The following SLC6A17 variants were observed in gnomAD, a reference collection of about 807,000 sequenced individuals.
SLC6A17 encodes sodium-dependent neutral amino acid transporter SLC6A17.
In SLC6A17, 21 loss-of-function variants were observed where a neutral mutation model predicts 64.5. The ratio of observed to expected loss-of-function variants is 0.33; its 90% CI spans 0.23 to 0.47. The LOEUF is 0.47. Ranked by LOEUF, SLC6A17 falls within the 20% of genes least tolerant of loss-of-function variation. SLC6A17 has a pLI of 1.00. For missense variants in SLC6A17, 682 were observed against 963.2 expected (o/e 0.71, Z 3.86); for synonymous variants, 372 against 399.5 (o/e 0.93, Z 0.82).
chr1:110,188,929 C>T (rs751210567), intron 6 of SLC6A17, among the ~76,000 whole-genome samples: 11 of 152,232 alleles, frequency 7.2e-5, no homozygotes, highest in Admixed American at 5.2e-4. Flanking sequence ...TGGCCTCCTG[C>T]GTGGACTCCC....
chr1:110,173,915 TGGGGGC>T, intron 3 of SLC6A17, 52 bp from the exon 4 acceptor site: 24 of 1,539,942 alleles, frequency 1.6e-5, no homozygotes, highest in Admixed American at 1.1e-4. Flanking sequence ...GGGTGGAGCG[TGGGGGC>T]AGGGTGGAGT....
Position 110,198,201 on chromosome 1 carries a change from C to G in SLC6A17, c.1941C>G (p.Gly647=), listed in dbSNP as rs376648268. Residue 647 remains glycine (G), a synonymous_variant, in exon 12 of 12, where the codon GGC becomes GGG. Transcript: ENST00000331565. ...GGCACTTCCACCTGCTCTCTGATGGCTCCAACACCCTCTCCGTGTCCTACA... is the reference window on the plus strand; with the variant it reads ...GGCACTTCCACCTGCTCTCTGATGGGTCCAACACCCTCTCCGTGTCCTACA... ...VLRHFHLLSD[G]SNTLSVSYKK... is the part of the protein sequence containing the mutation. 8.7e-6 allele frequency: 14 copies of G among 1,614,056 alleles called. No homozygotes were observed. The highest frequency in any genetic ancestry group is 1.0e-5 in the Non-Finnish European group (12 of 1,180,030).
intron 6 of SLC6A17, among the ~76,000 whole-genome samples, chr1:110,183,967 G>A (rs952897300): frequency 1.3e-5 from 2 of 151,476 alleles, no homozygotes; most frequent in Admixed American, 6.6e-5. Flanking sequence ...GAGGCTAGGG[G>A]TCAGGAGTGT....
intron 1 of SLC6A17, among the ~76,000 whole-genome samples, chr1:110,152,882 C>T (rs756615328): frequency 2.0e-5 from 3 of 152,214 alleles, no homozygotes; most frequent in Non-Finnish European, 2.9e-5. Context: ...AATTCTTTCT[C>T]TCATTGCTTC....
chr1:110,198,990 G>C lies in SLC6A17; in HGVS notation c.*546G>C, dbSNP rs1235207353. ...GCGGAGGGTGGGAGCAGGTGTGCCA[G>C]GGCTCAGGGCTCAGACTTGGGAGGG... On this transcript the variant is annotated 3_prime_UTR_variant, in exon 12 of 12. Coordinates refer to ENST00000331565, the MANE Select transcript of SLC6A17 (RefSeq NM_001010898.4). 1 of 153,564 alleles carries C rather than the reference G, an allele frequency of 6.5e-6. No individual in the cohort carries two copies. The highest frequency in any genetic ancestry group is 1.4e-5 in the Non-Finnish European group (1 of 69,074). 9.5% of individuals were successfully genotyped at this position (153,564 alleles called of 1,614,324 possible).
intron 6 of SLC6A17, among the ~76,000 whole-genome samples, chr1:110,188,619 C>T (rs562529947): frequency 1.3e-5 from 2 of 152,222 alleles, no homozygotes; most frequent in Admixed American, 1.3e-4. Flanking sequence ...ATGAGCAGCC[C>T]AAGGGTGGTC....
At chr1:110,156,563 G>T (rs1655766566) in intron 1 of SLC6A17, among the ~76,000 whole-genome samples, 1 of 152,188 alleles carries the variant, frequency 6.6e-6, no homozygotes, top group Admixed American at 6.5e-5. Context: ...CTGAATCCCC[G>T]CTCTTCCATT....
At position 110,202,000 on chromosome 1, in the gene SLC6A17, T is replaced by A. The variant is rs1657140503; in HGVS notation, c.*3556T>A. On this transcript the variant is annotated 3_prime_UTR_variant, in exon 12 of 12. Coordinates refer to ENST00000331565, the MANE Select transcript of SLC6A17 (RefSeq NM_001010898.4). ...TCTTCTCATTGAAAGCTCTGCTTTA[T>A]ACAGACCCAAGCATACACACCAGGC... The A allele has an allele frequency of 6.6e-6, 1 of 152,290 alleles. No individual in the cohort carries two copies. The allele number at this position is 152,290 out of a possible 1,614,324, so 9.4% of individuals were successfully genotyped here. A position where few individuals can be genotyped will look rare whatever the true frequency, so the allele number is the denominator to read the frequency against.
At position 110,192,413 on chromosome 1, in the gene SLC6A17, G is replaced by C; in HGVS notation, c.1107-93G>C. 4.7e-6 allele frequency: 7 copies of C among 1,498,904 alleles called. No individual in the cohort carries two copies. Among genetic ancestry groups the C allele is most frequent in the Non-Finnish European group, 6.3e-6 (7 of 1,108,268 alleles). The allele number at this position is 1,498,904 out of a possible 1,614,324, so 92.9% of individuals were successfully genotyped here. A position where few individuals can be genotyped will look rare whatever the true frequency, so the allele number is the denominator to read the frequency against. On this transcript the variant is annotated intron_variant, in intron 7 of 11. Transcript: ENST00000331565. The surrounding 1 kb of genome is among the most constrained non-coding windows in gnomAD (Gnocchi z 4.3). ...AGATGCCTCTGTCAGTGACCCATGA[G>C]GTTCCCACCTGGGTGCCTGGGAAGA...
intron 6 of SLC6A17, among the ~76,000 whole-genome samples, chr1:110,185,104 C>T (rs1237404048): frequency 6.6e-6 from 1 of 152,198 alleles, no homozygotes; most frequent in African/African-American, 2.4e-5. Context: ...AGCGTGGGCT[C>T]TGGAGCCAGA....
chr1:110,163,477 A>G (rs1655970965), intron 1 of SLC6A17, among the ~76,000 whole-genome samples: 2 of 152,198 alleles, frequency 1.3e-5, no homozygotes, highest in Non-Finnish European at 2.9e-5. Context: ...CTGTGTGCCA[A>G]GCTCTATGTC....
intron 6 of SLC6A17, among the ~76,000 whole-genome samples, chr1:110,181,335 G>A (rs80338236): frequency 0.031 from 4,746 of 152,292 alleles, 228 homozygotes; most frequent in African/African-American, 0.11. Context: ...GTACTCATAC[G>A]TAAGCAAAAT....
At chr1:110,197,990 T>TAAA in intron 11 of SLC6A17, 86 bp from the exon 12 acceptor site, 1 of 1,520,290 alleles carries the variant, frequency 6.6e-7, no homozygotes, top group South Asian at 1.3e-5. Context: ...AGGCCATGGG[T>TAAA]GAGGGCAGGA....
At position 110,176,754 on chromosome 1, in the gene SLC6A17, C is replaced by A; in HGVS notation, c.864+15C>A. 6.2e-7 allele frequency: 1 copy of A among 1,602,366 alleles called. No individual in the cohort carries two copies. The highest frequency in any genetic ancestry group is 8.5e-7 in the Non-Finnish European group (1 of 1,171,692). ...TCACTCCCAAGGTAAGGGTTTGGGGCTCCCACATGCCAGGGAACAGCAACA... is the reference window on the plus strand; with the variant it reads ...TCACTCCCAAGGTAAGGGTTTGGGGATCCCACATGCCAGGGAACAGCAACA... On this transcript the variant is annotated intron_variant, in intron 6 of 11. Transcript: ENST00000331565.
chr1:110,162,251 G>A (rs1304712890), intron 1 of SLC6A17, among the ~76,000 whole-genome samples: 1 of 152,250 alleles, frequency 6.6e-6, no homozygotes, highest in Non-Finnish European at 1.5e-5. Flanking sequence ...CCATGCTCCA[G>A]TGGGCTCTCA....
chr1:110,162,016 G>A (rs1655923601), intron 1 of SLC6A17, among the ~76,000 whole-genome samples: 1 of 152,256 alleles, frequency 6.6e-6, no homozygotes, highest in South Asian at 2.1e-4. Flanking sequence ...GCTATTCTGA[G>A]CTGCAAGCCA....
chr1:110,194,804 G>T, intron 9 of SLC6A17, 33 bp downstream of exon 9: 1 of 1,606,584 alleles, frequency 6.2e-7, no homozygotes, highest in Non-Finnish European at 8.5e-7. Context: ...CCCAGGCTCT[G>T]CAGGCTGCCC....
Position 110,194,742 on chromosome 1 carries a change from C to A in SLC6A17, c.1463C>A (p.Thr488Asn). The change falls in exon 9 of 12, where the codon ACC becomes AAC. Residue 488 changes from threonine (T) to asparagine (N), a missense_variant. By Grantham distance (65) the Thr-to-Asn change is moderately conservative (BLOSUM62 0). Transcript: ENST00000331565. The stretch of plus-strand genomic sequence containing the variant: ...GGCATCACCACGCCCATCATCGACA[C>A]CTTCAAGGTGCCCAAGGAGATGTTC... ...MAGITTPIIDTFKVPKEMFTV... is the reference protein window; with the variant it reads ...MAGITTPIIDNFKVPKEMFTV... 6.2e-7 allele frequency: 1 copy of A among 1,614,034 alleles called. No individual in the cohort carries two copies. The highest frequency in any genetic ancestry group is 8.5e-7 in the Non-Finnish European group (1 of 1,180,048).
At position 110,200,432 on chromosome 1, in the gene SLC6A17, C is replaced by T. The variant is rs2100958082; in HGVS notation, c.*1988C>T. The T allele has an allele frequency of 3.9e-6, 1 of 253,564 alleles. No homozygotes were observed. Among genetic ancestry groups the T allele is most frequent in the East Asian group, 7.2e-5 (1 of 13,928 alleles). 15.7% of individuals were successfully genotyped at this position (253,564 alleles called of 1,614,324 possible). On this transcript the variant is annotated 3_prime_UTR_variant, in exon 12 of 12. Transcript: ENST00000331565. ...GCCAAATCCCAAGCAGAATTAGCAACAGGAAAAGCAGAGCCCCAGGAGAGA... is the reference window on the plus strand; with the variant it reads ...GCCAAATCCCAAGCAGAATTAGCAATAGGAAAAGCAGAGCCCCAGGAGAGA...
Sources: allele counts gnomAD v4.1 joint callset (sites outside exome capture counted in the v4.1 genomes callset), GRCh38; gene constraint gnomAD v4.1.1; non-coding constraint Gnocchi (gnomAD v3.1); transcripts MANE v1.5; gene names NCBI Gene and HGNC (gene_info 2026-07-23, HGNC 2026-07-21).